Variants in LRRC69 observed in about 807,000 individuals in gnomAD.
LRRC69 encodes the protein leucine-rich repeat-containing protein 69.
A neutral mutation model predicts 37.8 loss-of-function variants in LRRC69; 42 were observed. The observed-to-expected ratio is 1.11, with a 90% confidence interval of 0.87 to 1.44. LRRC69 has a LOEUF of 1.44. LRRC69 is among the 40% of genes most tolerant of loss of function. LRRC69 has a pLI of 0.00. For missense variants in LRRC69, 357 were observed against 401.9 expected (o/e 0.89, Z 0.96); for synonymous variants, 141 against 143.1 (o/e 0.99, Z 0.11).
At chr8:91,177,005 TGTTTA>T (rs1283862196) in intron 5 of LRRC69, among the ~76,000 whole-genome samples, 1 of 152,230 alleles carries the variant, frequency 6.6e-6, no homozygotes, top group Non-Finnish European at 1.5e-5. Context: ...TATTTACTAA[TGTTTA>T]GTTAACTGTG....
chr8:91,133,046 C>A, intron 3 of LRRC69, 64 bp from the exon 4 acceptor site: 1 of 989,140 alleles, frequency 1.0e-6, no homozygotes. Context: ...TAAGTTGGGC[C>A]TATATAGTGG....
intron 1 of LRRC69, among the ~76,000 whole-genome samples, chr8:91,117,836 C>T (rs566088496): frequency 4.6e-5 from 7 of 151,918 alleles, no homozygotes; most frequent in Admixed American, 3.3e-4. Context: ...AGCTGATTTC[C>T]TGTCTCACCA....
intron 5 of LRRC69, among the ~76,000 whole-genome samples, chr8:91,144,316 A>G (rs577602628): frequency 6.6e-5 from 10 of 151,950 alleles, no homozygotes; most frequent in African/African-American, 1.9e-4. Flanking sequence ...TCTGCTTTCT[A>G]TTCCCCATGT....
At position 91,102,687 on chromosome 8, in the gene LRRC69, C is replaced by A. The variant is rs777230345; in HGVS notation, c.26C>A (p.Ala9Glu). 6 of 1,550,918 alleles carry A rather than the reference C, an allele frequency of 3.9e-6. No homozygotes were observed. The South Asian group carries it at 7.1e-5, about 18-fold the overall frequency. The stretch of plus-strand genomic sequence containing the variant: ...ATGACTGAGAGATTGTTAATAAAAG[C>A]ATTGAGTGGTGGTAAAAATACGAAG... Residue 9 changes from alanine to glutamate, a missense_variant, in exon 1 of 8, where the codon GCA becomes GAA. By Grantham distance (107) the Ala-to-Glu change is moderately radical. Coordinates refer to ENST00000448384, the Ensembl canonical transcript of LRRC69.
At chr8:91,162,351 G>A (rs965020770) in intron 5 of LRRC69, among the ~76,000 whole-genome samples, 2 of 151,248 alleles carry the variant, frequency 1.3e-5, no homozygotes, top group Non-Finnish European at 3.0e-5. Flanking sequence ...AGAGTGGAGC[G>A]TTGAGTCCCC....
intron 6 of LRRC69, among the ~76,000 whole-genome samples, chr8:91,192,684 G>C (rs1014777117): frequency 6.6e-6 from 1 of 152,124 alleles, no homozygotes. Context: ...CCGAATTTTT[G>C]ATGGGGTTGT....
chr8:91,213,306 A>C (rs928462462), intron 7 of LRRC69, among the ~76,000 whole-genome samples: 2 of 152,170 alleles, frequency 1.3e-5, no homozygotes, highest in Non-Finnish European at 2.9e-5. Context: ...CGTCTAAGCC[A>C]AGATGCTTTT....
chr8:91,122,787 G>A (rs1462522379), intron 1 of LRRC69, among the ~76,000 whole-genome samples: 1 of 152,024 alleles, frequency 6.6e-6, no homozygotes, highest in Non-Finnish European at 1.5e-5. Context: ...TTTTGGAAGA[G>A]ACTGCAAATA....
At chr8:91,212,204 TTGTC>T (rs1267315435) in intron 7 of LRRC69, among the ~76,000 whole-genome samples, 7 of 152,298 alleles carry the variant, frequency 4.6e-5, no homozygotes, top group African/African-American at 1.7e-4. Flanking sequence ...ACTACTAACT[TTGTC>T]TGTATTTGAA....
At chr8:91,139,798 G>T (rs1410224514) in intron 5 of LRRC69, among the ~76,000 whole-genome samples, 2 of 151,520 alleles carry the variant, frequency 1.3e-5, no homozygotes, top group African/African-American at 2.4e-5. Context: ...TTCTAAAAAA[G>T]TACCATCTGG....
intron 5 of LRRC69, among the ~76,000 whole-genome samples, chr8:91,183,614 TAA>T (rs559492690): frequency 6.9e-6 from 1 of 144,850 alleles, no homozygotes. Flanking sequence ...TGAATATGGG[TAA>T]AAAAAAAAAG....
At chr8:91,133,029 C>A in intron 3 of LRRC69, 81 bp from the exon 4 acceptor site, 1 of 751,986 alleles carries the variant, frequency 1.3e-6, no homozygotes, top group Non-Finnish European at 2.0e-6. Context: ...TGACACATGG[C>A]TTCTGCTAAG....
chr8:91,203,894 C>T (rs13262787), intron 7 of LRRC69, among the ~76,000 whole-genome samples: 7,855 of 151,228 alleles, frequency 0.052, 275 homozygotes, highest in Middle Eastern at 0.16. Flanking sequence ...CTGAGGCGGG[C>T]AGATCACGAG....
intron 1 of LRRC69, among the ~76,000 whole-genome samples, chr8:91,122,433 T>C (rs1813642548): frequency 6.6e-6 from 1 of 152,102 alleles, no homozygotes; most frequent in South Asian, 2.1e-4. Flanking sequence ...AAAAACTCAT[T>C]GTTCCTGTTC....
At position 91,102,937 on chromosome 8, in the gene LRRC69, C is replaced by A. The variant is rs988622835; in HGVS notation, c.183+93C>A. ...GGTAAGAGACAGAACAATAACACTT[C>A]GATCTATGGAGACTTAGGTATCTGG... On this transcript the variant is annotated intron_variant, in intron 1 of 7. Coordinates refer to ENST00000448384, the Ensembl canonical transcript of LRRC69. 13 of 1,188,152 alleles carry A rather than the reference C, an allele frequency of 1.1e-5. No individual in the cohort carries two copies. In the African/African-American group the frequency reaches 1.4e-4, roughly 13 times the overall value. 73.6% of individuals were successfully genotyped at this position (1,188,152 alleles called of 1,614,324 possible).
At chr8:91,106,471 A>G (rs910846828) in intron 1 of LRRC69, among the ~76,000 whole-genome samples, 43 of 152,046 alleles carry the variant, frequency 2.8e-4, no homozygotes, top group Non-Finnish European at 1.0e-4. Flanking sequence ...GAATAACAAC[A>G]TCAACCATTC....
At chr8:91,179,883 G>A (rs976700407) in intron 5 of LRRC69, among the ~76,000 whole-genome samples, 3 of 152,086 alleles carry the variant, frequency 2.0e-5, no homozygotes, top group Non-Finnish European at 2.9e-5. Context: ...ACAATGAAAC[G>A]TCGTATGTGT....
At chr8:91,118,232 C>T (rs747399094) in intron 1 of LRRC69, 58 of 454,792 alleles carry the variant, frequency 1.3e-4, no homozygotes, top group Middle Eastern at 9.8e-4. Context: ...AGGCCGGGTG[C>T]GGTGGCTCAT....
chr8:91,105,982 T>C (rs755334039), intron 1 of LRRC69, among the ~76,000 whole-genome samples: 1 of 151,922 alleles, frequency 6.6e-6, no homozygotes, highest in Non-Finnish European at 1.5e-5. Flanking sequence ...AAATAGGGCG[T>C]GAGGCGGTGA....
Sources: gnomAD v4.1 joint callset for allele counts (sites outside exome capture counted in the v4.1 genomes callset) on GRCh38, gnomAD v4.1.1 for gene constraint, MANE v1.5 for transcripts, NCBI Gene and HGNC (gene_info 2026-07-23, HGNC 2026-07-21) for gene names.